Variants in ARID4A observed in about 807,000 individuals in gnomAD.
The protein encoded by ARID4A is AT-rich interaction domain 4A.
A neutral mutation model predicts 148.6 loss-of-function variants in ARID4A; 39 were observed. The ratio of observed to expected loss-of-function variants is 0.26; its 90% CI spans 0.20 to 0.34. The LOEUF is 0.34. ARID4A is among the 10% of genes least tolerant of loss of function. The pLI is 1.00. For synonymous variants in ARID4A, 475 were observed against 481.2 expected, an observed-to-expected ratio of 0.99 and a Z score of 0.17; for missense variants, 1,265 against 1,449.1, an observed-to-expected ratio of 0.87 and a Z score of 2.06.
chr14:58,354,688 T>TAAAAAAAA (rs201953201), intron 17 of ARID4A, among the ~76,000 whole-genome samples: 1 of 123,434 alleles, frequency 8.1e-6, no homozygotes. Context: ...GTCTCATAAA[T>TAAAAAAAA]AAAAAAAAAA....
At chr14:58,338,940 A>G (rs2033968690) in intron 11 of ARID4A, among the ~76,000 whole-genome samples, 1 of 108,394 alleles carries the variant, frequency 9.2e-6, no homozygotes, top group African/African-American at 3.6e-5. Flanking sequence ...CACAAAAGGT[A>G]GGGGTGTTAT....
At position 58,373,783 on chromosome 14, in the gene ARID4A, CTTGT is replaced by C. The variant is rs2035697509; in HGVS notation, c.*1795_*1798del. ...TAAGTGATTGCTTTTTTCCTAAGTGCTTGTAACTTACAGTTGGAAAATCAGATTT... is the reference window on the plus strand; with the variant it reads ...TAAGTGATTGCTTTTTTCCTAAGTGCAACTTACAGTTGGAAAATCAGATTT... On this transcript the variant is annotated 3_prime_UTR_variant, in exon 24 of 24. Transcript: ENST00000355431. 1.3e-5 allele frequency: 2 copies of C among 159,810 alleles called. No homozygotes were observed. Among genetic ancestry groups the C allele is most frequent in the Non-Finnish European group, 2.8e-5 (2 of 72,480 alleles). 9.9% of individuals were successfully genotyped at this position (159,810 alleles called of 1,614,324 possible).
chr14:58,348,650 A>G (rs2034488534), intron 15 of ARID4A, among the ~76,000 whole-genome samples: 2 of 152,212 alleles, frequency 1.3e-5, no homozygotes, highest in Admixed American at 6.5e-5. Flanking sequence ...AGAGAAAGGA[A>G]TTTACCACAC....
intron 16 of ARID4A, among the ~76,000 whole-genome samples, chr14:58,352,766 C>T (rs1393114061): frequency 6.6e-6 from 1 of 152,108 alleles, no homozygotes; most frequent in Non-Finnish European, 1.5e-5. Flanking sequence ...GCTTTTAATG[C>T]TTGTGACACT....
intron 12 of ARID4A, 23 bp from the exon 13 acceptor site, chr14:58,346,388 T>C: frequency 6.7e-7 from 1 of 1,499,042 alleles, no homozygotes; most frequent in Non-Finnish European, 9.2e-7. Flanking sequence ...AACATTTTAT[T>C]TCTACCTACT....
At chr14:58,355,614 T>C (rs931875489) in intron 17 of ARID4A, among the ~76,000 whole-genome samples, 1 of 152,256 alleles carries the variant, frequency 6.6e-6, no homozygotes, top group South Asian at 2.1e-4. Flanking sequence ...TGTATTCAGA[T>C]GTAAATGCTT....
intron 4 of ARID4A, 75 bp downstream of exon 4, chr14:58,305,084 A>T: frequency 8.0e-7 from 1 of 1,242,722 alleles, no homozygotes; most frequent in Non-Finnish European, 1.1e-6. Flanking sequence ...ACATTTCTAC[A>T]TAGACTTAAC....
At chr14:58,311,780 T>A (rs2032051366) in intron 5 of ARID4A, among the ~76,000 whole-genome samples, 1 of 152,126 alleles carries the variant, frequency 6.6e-6, no homozygotes. Context: ...ATCCTGACAT[T>A]TCTTACAACA....
chr14:58,362,163 A>G (rs1210265334), intron 19 of ARID4A, among the ~76,000 whole-genome samples: 1 of 152,188 alleles, frequency 6.6e-6, no homozygotes, highest in East Asian at 1.9e-4. Context: ...CAAAGCTGAG[A>G]CCATGTGGTT....
chr14:58,332,160 C>T (rs1446319402), intron 11 of ARID4A, among the ~76,000 whole-genome samples: 1 of 151,838 alleles, frequency 6.6e-6, no homozygotes, highest in African/African-American at 2.4e-5. Flanking sequence ...TGTGAGTATA[C>T]GTTAGTATAA....
At chr14:58,306,215 T>C (rs2031586913) in intron 5 of ARID4A, 103 bp downstream of exon 5, 4 of 856,450 alleles carry the variant, frequency 4.7e-6, no homozygotes, top group Non-Finnish European at 7.5e-6. Context: ...ATATATATTA[T>C]TTCCTGTCAG....
chr14:58,363,807 A>G (rs1390227366), intron 19 of ARID4A, among the ~76,000 whole-genome samples: 1 of 152,162 alleles, frequency 6.6e-6, no homozygotes, highest in Non-Finnish European at 1.5e-5. Flanking sequence ...CTTCCTAGAT[A>G]CTATCTCAAA....
Position 58,305,469 on chromosome 14 carries a change from T to A in ARID4A, c.183+460T>A, listed in dbSNP as rs531458983. Among the ~76,000 whole-genome samples, 14 of 152,266 alleles carry A rather than the reference T, an allele frequency of 9.2e-5. No homozygotes were observed. The South Asian group carries it at 2.9e-3, about 32-fold the overall frequency. ...TCTGGCCATTTGTTTATGTAATAAA[T>A]CTGTTATATCAGAGTACCACTTTGG... On this transcript the variant is annotated intron_variant, in intron 4 of 23. Coordinates refer to ENST00000355431, the MANE Select transcript of ARID4A (RefSeq NM_002892.4).
At chr14:58,336,828 G>A (rs1391784292) in intron 11 of ARID4A, among the ~76,000 whole-genome samples, 6 of 151,926 alleles carry the variant, frequency 3.9e-5, no homozygotes, top group Non-Finnish European at 5.9e-5. Flanking sequence ...GAGAGATTAT[G>A]AAGGGAGGTT....
At chr14:58,358,565 T>G (rs560071391) in intron 17 of ARID4A, among the ~76,000 whole-genome samples, 14 of 152,204 alleles carry the variant, frequency 9.2e-5, no homozygotes, top group Middle Eastern at 3.4e-3. Flanking sequence ...CAGAATAAAC[T>G]TAGATAAAGT....
intron 7 of ARID4A, among the ~76,000 whole-genome samples, chr14:58,320,378 A>C (rs143366455): frequency 6.6e-6 from 1 of 152,320 alleles, no homozygotes; most frequent in African/African-American, 2.4e-5. Context: ...CAAAGTATGA[A>C]TACCAAATTT....
At chr14:58,327,480 A>G (rs1258842278) in intron 8 of ARID4A, among the ~76,000 whole-genome samples, 2 of 151,986 alleles carry the variant, frequency 1.3e-5, no homozygotes, top group Non-Finnish European at 2.9e-5. Context: ...AGGATTGTAC[A>G]TATCTTGGTT....
At chr14:58,324,548 C>T (rs1054506226) in intron 8 of ARID4A, among the ~76,000 whole-genome samples, 6 of 152,090 alleles carry the variant, frequency 3.9e-5, no homozygotes, top group Non-Finnish European at 4.4e-5. Flanking sequence ...CCCAAGGGGC[C>T]GGGATTACAG....
rs150223750 is a variant in ARID4A at position 58,348,266 on chromosome 14, A to G, written c.1404+388A>G. Among the ~76,000 whole-genome samples the G allele has an allele frequency of 4.4e-3, 666 of 152,148 alleles. 8 individuals are homozygous for G. Among genetic ancestry groups the G allele is most frequent in the African/African-American group, 0.016 (651 of 41,504 alleles). ...TGTAATTTACTTATTTATTCTGTTT[A>G]TTGTGATTATCTATTTTGCCCCACT... On this transcript the variant is annotated intron_variant, in intron 15 of 23. Transcript: ENST00000355431.
Sources: gnomAD v4.1 joint callset for allele counts (sites outside exome capture counted in the v4.1 genomes callset) on GRCh38, gnomAD v4.1.1 for gene constraint, MANE v1.5 for transcripts, NCBI Gene and HGNC (gene_info 2026-07-23, HGNC 2026-07-21) for gene names.